CTNNA3: variants seen among roughly 807,000 people sequenced by gnomAD.
CTNNA3 encodes catenin alpha-3.
CTNNA3 carries 76 observed loss-of-function variants against 95.7 expected under a neutral mutation model. That is an observed-to-expected ratio of 0.79 (90% CI 0.66 to 0.96). CTNNA3 has a LOEUF of 0.96. Ranked by LOEUF, CTNNA3 falls within the 40% of genes least tolerant of loss-of-function variation. The probability of loss-of-function intolerance (pLI) is 0.00; values close to 1 mark genes in which losing one functional copy is unlikely to be tolerated. For synonymous variants in CTNNA3, 431 were observed against 374.4 expected, an observed-to-expected ratio of 1.15 and a Z score of -1.74; for missense variants, 1,191 against 1,089.8, an observed-to-expected ratio of 1.09 and a Z score of -1.31.
intron 9 of CTNNA3, among the ~76,000 whole-genome samples, chr10:66,644,651 C>T (rs368470449): frequency 1.3e-5 from 2 of 151,724 alleles, no homozygotes; most frequent in Admixed American, 6.6e-5. Flanking sequence ...CCACATCATC[C>T]CCCTGTGGTA....
intron 11 of CTNNA3, among the ~76,000 whole-genome samples, chr10:66,483,856 A>G (rs1565007213): frequency 6.6e-6 from 1 of 152,170 alleles, no homozygotes; most frequent in Non-Finnish European, 1.5e-5. Flanking sequence ...CAAGAATTAG[A>G]TTAACTTAAA....
chr10:66,186,131 C>G (rs969746701), intron 13 of CTNNA3, among the ~76,000 whole-genome samples: 14 of 152,108 alleles, frequency 9.2e-5, no homozygotes, highest in African/African-American at 3.4e-4. Flanking sequence ...TTTGAATGTT[C>G]TCATCATAGA....
chr10:66,606,605 T>A (rs1844131194), intron 10 of CTNNA3, among the ~76,000 whole-genome samples: 2 of 152,168 alleles, frequency 1.3e-5, no homozygotes, highest in South Asian at 4.1e-4. Flanking sequence ...AAATCAAGCC[T>A]AAGAAATTCA....
chr10:66,762,780 AG>A (rs1215189277), intron 9 of CTNNA3, among the ~76,000 whole-genome samples: 1 of 151,928 alleles, frequency 6.6e-6, no homozygotes, highest in Non-Finnish European at 1.5e-5. Context: ...TTTTTGTAAA[AG>A]TTACACGTTA....
chr10:66,833,870 C>T (rs2132328034), intron 7 of CTNNA3, among the ~76,000 whole-genome samples: 1 of 152,300 alleles, frequency 6.6e-6, no homozygotes, highest in East Asian at 1.9e-4. Context: ...AACACACACA[C>T]ACACCAGCTT....
At chr10:67,496,130 C>A (rs968996526) in intron 5 of CTNNA3, among the ~76,000 whole-genome samples, 9 of 152,166 alleles carry the variant, frequency 5.9e-5, no homozygotes, top group Non-Finnish European at 1.3e-4. Context: ...AAGAGTCTAC[C>A]TTCTTTCCAT....
chr10:66,338,921 T>G (rs567579367), intron 12 of CTNNA3, among the ~76,000 whole-genome samples: 1 of 151,998 alleles, frequency 6.6e-6, no homozygotes, highest in South Asian at 2.1e-4. Context: ...TGCCATTGTT[T>G]ACAGTGTAAA....
intron 14 of CTNNA3, among the ~76,000 whole-genome samples, chr10:66,100,039 C>A (rs769140587): frequency 6.6e-6 from 1 of 151,794 alleles, no homozygotes; most frequent in Non-Finnish European, 1.5e-5. Flanking sequence ...GAGTAATTTT[C>A]TTTTATTATT....
At chr10:66,529,291 G>A (rs961991869) in intron 10 of CTNNA3, among the ~76,000 whole-genome samples, 10 of 151,840 alleles carry the variant, frequency 6.6e-5, no homozygotes, top group Non-Finnish European at 1.5e-4. Flanking sequence ...ACAGTGCCCG[G>A]CTAATTTTGT....
intron 7 of CTNNA3, among the ~76,000 whole-genome samples, chr10:66,784,493 T>G (rs1270668592): frequency 6.6e-6 from 1 of 152,160 alleles, no homozygotes; most frequent in African/African-American, 2.4e-5. Context: ...TATATGGCAT[T>G]ACTTGAGAGG....
At chr10:67,005,682 C>CTTTTTTTTTTTTGTTT (rs1851928320) in intron 7 of CTNNA3, among the ~76,000 whole-genome samples, 2 of 61,976 alleles carry the variant, frequency 3.2e-5, no homozygotes, top group African/African-American at 1.1e-4. Context: ...TTTACTCCAT[C>CTTTTTTTTTTTTGTTT]TTTTTTTTTT....
intron 13 of CTNNA3, among the ~76,000 whole-genome samples, chr10:66,260,213 C>T (rs10997016): frequency 0.18 from 27,459 of 152,094 alleles, 2,783 homozygotes; most frequent in Admixed American, 0.27. Context: ...TGTAACCACA[C>T]TTGAATAGAC....
chr10:66,869,321 G>A (rs1436874904), intron 7 of CTNNA3, among the ~76,000 whole-genome samples: 1 of 152,090 alleles, frequency 6.6e-6, no homozygotes, highest in East Asian at 1.9e-4. Flanking sequence ...GCTGGGTGTG[G>A]TGGTCACACC....
chr10:67,643,499 G>T (rs771947652), intron 2 of CTNNA3, among the ~76,000 whole-genome samples: 3 of 151,710 alleles, frequency 2.0e-5, no homozygotes, highest in African/African-American at 4.8e-5. Flanking sequence ...TAAATACTGA[G>T]GTCTACTTAG....
At chr10:67,124,355 T>TGTGC (rs1554926403) in intron 7 of CTNNA3, among the ~76,000 whole-genome samples, 28 of 151,330 alleles carry the variant, frequency 1.9e-4, no homozygotes, top group African/African-American at 6.6e-4. Context: ...TGTGTGTGTG[T>TGTGC]GTGTGTGTGT....
At chr10:67,242,906 T>C (rs1371065475) in intron 5 of CTNNA3, among the ~76,000 whole-genome samples, 1 of 152,214 alleles carries the variant, frequency 6.6e-6, no homozygotes, top group Non-Finnish European at 1.5e-5. Context: ...AGCTACAAAA[T>C]GTGAACAATT....
intron 5 of CTNNA3, among the ~76,000 whole-genome samples, chr10:67,305,364 TA>T (rs58055640): frequency 0.062 from 7,225 of 115,936 alleles, 257 homozygotes; most frequent in African/African-American, 0.11. Context: ...TAGAGTATAA[TA>T]AAAAAAAAAA....
Position 67,461,771 on chromosome 10 carries a change from G to A in CTNNA3, c.579+60071C>T, listed in dbSNP as rs535442438. On this transcript the variant is annotated intron_variant, in intron 5 of 17. Coordinates refer to ENST00000433211, the MANE Select transcript of CTNNA3 (RefSeq NM_013266.4). ...TCATTAATCTAATATTTATATCATT[G>A]GCCATTCTGTCTTAAAAACATCATG... 1.9e-3 allele frequency among the ~76,000 whole-genome samples: 296 copies of A among 152,062 alleles called. 3 individuals are homozygous for A. In the South Asian group the frequency reaches 0.026, roughly 13 times the overall value.
chr10:67,504,460 A>AAAAAG, intron 5 of CTNNA3, among the ~76,000 whole-genome samples: 1 of 149,994 alleles, frequency 6.7e-6, no homozygotes, highest in Non-Finnish European at 1.5e-5. Flanking sequence ...AAAAAAAAAA[A>AAAAAG]CAGAGTAACA....
Sources: allele counts gnomAD v4.1 joint callset (sites outside exome capture counted in the v4.1 genomes callset), GRCh38; gene constraint gnomAD v4.1.1; transcripts MANE v1.5; gene names NCBI Gene and HGNC (gene_info 2026-07-23, HGNC 2026-07-21).